OR5D3: variants seen among roughly 807,000 people sequenced by gnomAD.
OR5D3 encodes olfactory receptor family 5 subfamily D member 3, also known as olfactory receptor 5D3.
At chr11:55,728,114 A>G in the OR5D3 span, 1 of 152,062 alleles carries the variant, frequency 6.6e-6, no homozygotes, top group Admixed American at 6.6e-5. Flanking sequence ...CTTTGGAACT[A>G]GAGACCTGTA....
chr11:55,725,201 T>C, the OR5D3 span, among the ~76,000 whole-genome samples: 2 of 152,062 alleles, frequency 1.3e-5, no homozygotes, highest in African/African-American at 4.8e-5. Flanking sequence ...AACCACTACA[T>C]TCATTAGCAA....
At chr11:55,727,297 G>C in the OR5D3 span, 2 of 391,252 alleles carry the variant, frequency 5.1e-6, no homozygotes, top group Admixed American at 4.4e-5. Context: ...TAACTTTAAA[G>C]TTATAAATAC....
At chr11:55,726,945 C>A in the OR5D3 span, 1 of 399,938 alleles carries the variant, frequency 2.5e-6, no homozygotes, top group East Asian at 3.6e-5. Flanking sequence ...GTGCCTCCCA[C>A]CTGACCGCCA....
the OR5D3 span, among the ~76,000 whole-genome samples, chr11:55,724,874 G>A: frequency 1.3e-5 from 2 of 151,974 alleles, no homozygotes; most frequent in East Asian, 3.9e-4. Flanking sequence ...GGTCCTTTTG[G>A]AAGATATCTT....
chr11:55,727,167 A>G, the OR5D3 span: 1 of 398,668 alleles, frequency 2.5e-6, no homozygotes, highest in Non-Finnish European at 4.4e-6. Context: ...AATGCTAGAA[A>G]TATTAATTAT....
At chr11:55,725,154 A>G in the OR5D3 span, among the ~76,000 whole-genome samples, 1 of 152,130 alleles carries the variant, frequency 6.6e-6, no homozygotes, top group South Asian at 2.1e-4. Context: ...AATAAATATA[A>G]AAGTGAATAT....
chr11:55,725,491 C>T, the OR5D3 span, among the ~76,000 whole-genome samples: 1 of 152,170 alleles, frequency 6.6e-6, no homozygotes, highest in Middle Eastern at 3.4e-3. Context: ...TTTGCCACAT[C>T]AGAAAATGAA....
the OR5D3 span, chr11:55,726,251 T>C: frequency 4.2e-5 from 17 of 402,886 alleles, no homozygotes; most frequent in Admixed American, 1.3e-4. Flanking sequence ...GTCACCTTCA[T>C]CCTCTTGGGC....
the OR5D3 span, chr11:55,723,779 TCC>T: frequency 3.1e-6 from 1 of 327,026 alleles, no homozygotes; most frequent in Non-Finnish European, 5.5e-6. Context: ...AGTCACGAGG[TCC>T]CCAAGGCCTT....
the OR5D3 span, chr11:55,727,781 G>A: frequency 6.6e-6 from 1 of 151,862 alleles, no homozygotes; most frequent in Non-Finnish European, 1.5e-5. Context: ...CAATATGATT[G>A]TGCATGTTAT....
the OR5D3 span, among the ~76,000 whole-genome samples, chr11:55,724,259 C>T: frequency 3.3e-5 from 5 of 151,888 alleles, no homozygotes; most frequent in African/African-American, 4.8e-5. Flanking sequence ...ATTCGGCTCC[C>T]ACCATGTACT....
the OR5D3 span, chr11:55,729,571 C>T: frequency 2.0e-5 from 3 of 151,832 alleles, no homozygotes; most frequent in East Asian, 1.9e-4. Context: ...TAGTGTTGGA[C>T]AAATATATCA....
At chr11:55,728,404 C>T in the OR5D3 span, 1 of 152,090 alleles carries the variant, frequency 6.6e-6, no homozygotes, top group Non-Finnish European at 1.5e-5. Flanking sequence ...TCTTTAAACA[C>T]ATTCTTCCTT....
the OR5D3 span, chr11:55,728,422 C>T: frequency 5.9e-5 from 9 of 151,990 alleles, no homozygotes; most frequent in Admixed American, 1.3e-4. Flanking sequence ...CTTGATAATG[C>T]CAGATAACTT....
chr11:55,724,052 TA>T, the OR5D3 span: 1 of 397,374 alleles, frequency 2.5e-6, no homozygotes, highest in Non-Finnish European at 4.4e-6. Flanking sequence ...CCTCTGTATT[TA>T]GGTGAGTTGA....
chr11:55,724,748 G>A, the OR5D3 span, among the ~76,000 whole-genome samples: 7 of 151,990 alleles, frequency 4.6e-5, no homozygotes, highest in East Asian at 3.9e-4. Flanking sequence ...TTATTCTTGC[G>A]ATGTTGCAAA....
chr11:55,724,057 G>GA, the OR5D3 span: 2 of 396,584 alleles, frequency 5.0e-6, no homozygotes, highest in Non-Finnish European at 8.9e-6. Context: ...GTATTTAGGT[G>GA]AGTTGATTTA....
the OR5D3 span, among the ~76,000 whole-genome samples, chr11:55,725,864 T>C: frequency 5.9e-3 from 900 of 152,166 alleles, 8 homozygotes; most frequent in Non-Finnish European, 9.2e-3. Context: ...AAAGTATATA[T>C]TTCCTCCAAC....
chr11:55,728,120 C>T, the OR5D3 span: 2 of 151,980 alleles, frequency 1.3e-5, no homozygotes, highest in Non-Finnish European at 2.9e-5. Context: ...AACTAGAGAC[C>T]TGTATGTATG....
Sources: gnomAD v4.1 joint callset for allele counts (sites outside exome capture counted in the v4.1 genomes callset) on GRCh38, gnomAD v4.1.1 for gene constraint, MANE v1.5 for transcripts, NCBI Gene and HGNC (gene_info 2026-07-23, HGNC 2026-07-21) for gene names.